The following IGSF10 variants were observed in gnomAD, a reference collection of about 807,000 sequenced individuals.
IGSF10 encodes immunoglobulin superfamily member 10.
IGSF10 carries 126 observed loss-of-function variants against 128.2 expected under a neutral mutation model. The observed-to-expected ratio is 0.98, with a 90% CI of 0.85 to 1.14. The LOEUF is 1.14. Ranked by LOEUF, IGSF10 falls within the 50% of genes most tolerant of loss-of-function variation. IGSF10 has a pLI of 0.00. For synonymous variants in IGSF10, 1,185 were observed against 1,146.2 expected (o/e 1.03, Z -0.68); for missense variants, 3,295 against 3,149.8 (o/e 1.05, Z -1.10).
At chr3:151,485,267 A>G in the IGSF10 span, among the ~76,000 whole-genome samples, 1 of 152,176 alleles carries the variant, frequency 6.6e-6, no homozygotes, top group Non-Finnish European at 1.5e-5. Context: ...GAGTGAAAAG[A>G]AATGAACAAA....
At chr3:151,521,284 T>C in the IGSF10 span, among the ~76,000 whole-genome samples, 3 of 151,884 alleles carry the variant, frequency 2.0e-5, no homozygotes, top group African/African-American at 4.8e-5. Flanking sequence ...GAGACTTCTA[T>C]ACTCCACTGA....
In IGSF10 at chr3:151,448,714, TGAGATCTGCCTCTA is replaced by T; in HGVS notation, c.1253_1266del (p.Ile418LysfsTer33). 1 of 1,613,098 alleles carries T rather than the reference TGAGATCTGCCTCTA, an allele frequency of 6.2e-7. No homozygotes were observed. The highest frequency in any genetic ancestry group is 2.2e-5 in the East Asian group (1 of 44,880). On this transcript the variant is annotated frameshift_variant, in exon 6 of 8. Transcript: ENST00000282466. LOFTEE classifies it high-confidence loss of function. ...TGCATTAACCAAGAGGGATCTGCTC[TGAGATCTGCCTCTA>T]TGTTGGTAAAAATGTCTTCAGGCTT...
At chr3:151,469,503 G>T in the IGSF10 span, among the ~76,000 whole-genome samples, 1 of 152,084 alleles carries the variant, frequency 6.6e-6, no homozygotes, top group African/African-American at 2.4e-5. Context: ...AAAAGGGCAT[G>T]TAAACCTTCT....
the IGSF10 span, among the ~76,000 whole-genome samples, chr3:151,536,362 T>C: frequency 6.6e-6 from 1 of 152,176 alleles, no homozygotes; most frequent in Non-Finnish European, 1.5e-5. Flanking sequence ...CTGAGGTTGA[T>C]GATTCTTTCC....
the IGSF10 span, among the ~76,000 whole-genome samples, chr3:151,598,617 G>T: frequency 6.6e-6 from 1 of 152,080 alleles, no homozygotes; most frequent in Non-Finnish European, 1.5e-5. Flanking sequence ...CCTAATACAA[G>T]GTAAATGCTA....
the IGSF10 span, among the ~76,000 whole-genome samples, chr3:151,505,088 G>GC: frequency 2.0e-5 from 3 of 152,084 alleles, no homozygotes; most frequent in Non-Finnish European, 4.4e-5. Context: ...CCCTATAGTA[G>GC]CACCCCACTC....
At chr3:151,570,040 C>T in the IGSF10 span, among the ~76,000 whole-genome samples, 10 of 152,278 alleles carry the variant, frequency 6.6e-5, no homozygotes, top group East Asian at 7.7e-4. Flanking sequence ...TAGCTTCATC[C>T]GTGTCCCTAC....
the IGSF10 span, among the ~76,000 whole-genome samples, chr3:151,619,176 A>G: frequency 6.6e-6 from 1 of 152,188 alleles, no homozygotes; most frequent in Non-Finnish European, 1.5e-5. Context: ...AAGATCTCAC[A>G]TGTAGTCATC....
the IGSF10 span, among the ~76,000 whole-genome samples, chr3:151,618,587 GGGCGTGGT>G: frequency 2.6e-5 from 4 of 151,550 alleles, no homozygotes. Context: ...AAAATTAGCC[GGGCGTGGT>G]GGTGGGTGCC....
the IGSF10 span, among the ~76,000 whole-genome samples, chr3:151,574,726 C>A: frequency 6.6e-6 from 1 of 152,294 alleles, no homozygotes; most frequent in East Asian, 1.9e-4. Flanking sequence ...TCTGTCAGCT[C>A]GTCAAAGTCA....
Position 151,447,414 on chromosome 3 carries a change from G to A in IGSF10, c.2567C>T (p.Pro856Leu). Reference sequence around the variant, plus strand: ...AGCAGTAGACAGTTTGAAATCTGTGGGTTCTTCAGGTGGTAGTATTTGTGA... The same window carrying A: ...AGCAGTAGACAGTTTGAAATCTGTGAGTTCTTCAGGTGGTAGTATTTGTGA... ...VNSQILPPEE[P>L]TDFKLSTAIK... The change falls in exon 6 of 8, where the codon CCC (proline) becomes CTC (leucine). Residue 856 changes from proline to leucine, a missense_variant. By Grantham distance (98) the Pro-to-Leu change is moderately conservative. Transcript: ENST00000282466. 5.0e-6 allele frequency: 8 copies of A among 1,614,000 alleles called. No individual in the cohort carries two copies. Among genetic ancestry groups the A allele is most frequent in the Non-Finnish European group, 6.8e-6 (8 of 1,179,894 alleles).
Position 151,447,966 on chromosome 3 carries a change from T to G in IGSF10, c.2015A>C (p.His672Pro). Residue 672 changes from histidine to proline, a missense_variant, in exon 6 of 8, where the codon CAT becomes CCT. By Grantham distance (77) the His-to-Pro change is moderately conservative. Transcript: ENST00000282466. ...VKMKGQRPLE[H>P]DGETEGSGLD... ...TCCAGATCCCTCTGTTTCTCCATCATGCTCCAAGGGCCTTTGTCCTTTCAT... is the reference window on the plus strand; with the variant it reads ...TCCAGATCCCTCTGTTTCTCCATCAGGCTCCAAGGGCCTTTGTCCTTTCAT... The G allele has an allele frequency of 6.2e-7, 1 of 1,614,172 alleles. No individual in the cohort carries two copies. Among genetic ancestry groups the G allele is most frequent in the Non-Finnish European group, 8.5e-7 (1 of 1,180,024 alleles).
the IGSF10 span, among the ~76,000 whole-genome samples, chr3:151,555,486 T>G: frequency 0.026 from 3,881 of 152,128 alleles, 102 homozygotes; most frequent in East Asian, 0.13. Context: ...ATCAAGCGTG[T>G]GGATGAAAGA....
At chr3:151,562,414 C>T in the IGSF10 span, among the ~76,000 whole-genome samples, 2 of 152,144 alleles carry the variant, frequency 1.3e-5, no homozygotes, top group African/African-American at 4.8e-5. Flanking sequence ...TATTCCTTCA[C>T]TTTCCTAATA....
Position 151,448,493 on chromosome 3 carries a change from G to A in IGSF10, c.1488C>T (p.Asn496=). ...TVLVGGTVGL[N]CPGQGDPTPH... ...GGGTGGGGTCTCCTTGGCCTGGGCA[G>A]TTCAGGCCAACGGTTCCACCTACCA... Residue 496 remains asparagine, a synonymous_variant, in exon 6 of 8, where the codon AAC becomes AAT. Transcript: ENST00000282466. 6.2e-7 allele frequency: 1 copy of A among 1,614,222 alleles called. No individual in the cohort carries two copies. Among genetic ancestry groups the A allele is most frequent in the Non-Finnish European group, 8.5e-7 (1 of 1,180,038 alleles).
At chr3:151,596,504 T>C in the IGSF10 span, among the ~76,000 whole-genome samples, 2 of 152,142 alleles carry the variant, frequency 1.3e-5, no homozygotes, top group Admixed American at 1.3e-4. Context: ...GTGTATTGTG[T>C]ATGTGTTTTC....
chr3:151,462,307 C>A (rs1280895390), upstream of IGSF10, among the ~76,000 whole-genome samples: 4 of 152,146 alleles, frequency 2.6e-5, no homozygotes, highest in South Asian at 2.1e-4. Flanking sequence ...TCGTTAAGAT[C>A]AAAAATTTGC....
In IGSF10 at chr3:151,448,074, G is replaced by T; in HGVS notation, c.1907C>A (p.Thr636Asn). 6.2e-7 allele frequency: 1 copy of T among 1,614,150 alleles called. No homozygotes were observed. Among genetic ancestry groups the T allele is most frequent in the Non-Finnish European group, 8.5e-7 (1 of 1,180,034 alleles). The part of the protein sequence containing the change: ...NNGTLRILQV[T>N]PKDQGYYRCV... ...GCGATAATAACCTTGGTCTTTCGGGGTGACCTGTAATATTCTTAATGTGCC... is the reference window on the plus strand; with the variant it reads ...GCGATAATAACCTTGGTCTTTCGGGTTGACCTGTAATATTCTTAATGTGCC... The change falls in exon 6 of 8, where the codon ACC becomes AAC. Residue 636 changes from threonine to asparagine, a missense_variant. Transcript: ENST00000282466.
At chr3:151,433,248 C>T (rs1252425138), downstream of IGSF10, 2 of 153,980 alleles carry the variant, frequency 1.3e-5, no homozygotes, top group African/African-American at 4.8e-5. Context: ...CATGTCAGAT[C>T]TTGACAGAAA....
Sources: allele counts gnomAD v4.1 joint callset (sites outside exome capture counted in the v4.1 genomes callset), GRCh38; gene constraint gnomAD v4.1.1; transcripts MANE v1.5; gene names NCBI Gene and HGNC (gene_info 2026-07-23, HGNC 2026-07-21).